VRK1: variants seen among roughly 807,000 people sequenced by gnomAD.
The protein encoded by VRK1 is serine/threonine-protein kinase VRK1.
A neutral mutation model predicts 57.1 loss-of-function variants in VRK1; 33 were observed. The ratio of observed to expected loss-of-function variants is 0.58; its 90% CI spans 0.44 to 0.77. The LOEUF is 0.77. VRK1 is among the 30% of genes least tolerant of loss of function. The pLI is 0.00. For missense variants in VRK1, 413 were observed against 477.3 expected, an observed-to-expected ratio of 0.87 and a Z score of 1.25; for synonymous variants, 137 against 147.8, an observed-to-expected ratio of 0.93 and a Z score of 0.53.
chr14:96,840,046 T>C (rs1887390786), intron 3 of VRK1, among the ~76,000 whole-genome samples: 1 of 152,202 alleles, frequency 6.6e-6, no homozygotes, highest in South Asian at 2.1e-4. Flanking sequence ...TGAAGGATAT[T>C]GGTCTTTCGT....
At chr14:96,854,714 A>G (rs972892763) in intron 7 of VRK1, among the ~76,000 whole-genome samples, 2 of 152,210 alleles carry the variant, frequency 1.3e-5, no homozygotes, top group Admixed American at 1.3e-4. Flanking sequence ...AAATGTTTTT[A>G]TAAAGTAAAT....
intron 1 of VRK1, among the ~76,000 whole-genome samples, chr14:96,798,958 T>C (rs548439438): frequency 6.6e-6 from 1 of 152,350 alleles, no homozygotes; most frequent in South Asian, 2.1e-4. Context: ...TCAACATTGC[T>C]GATCAGATTC....
intron 10 of VRK1, 97 bp downstream of exon 10, chr14:96,856,683 T>C (rs995046830): frequency 9.0e-7 from 1 of 1,111,986 alleles, no homozygotes; most frequent in South Asian, 1.3e-5. Context: ...AGATGTTAGG[T>C]GGTGGCCAGG....
chr14:96,846,837 A>G (rs74076158), intron 4 of VRK1, among the ~76,000 whole-genome samples: 2,113 of 152,198 alleles, frequency 0.014, 56 homozygotes, highest in African/African-American at 0.048. Flanking sequence ...TAAGTAATCT[A>G]GAGATGAGAT....
chr14:96,853,232 G>C, intron 7 of VRK1, 66 bp downstream of exon 7: 1 of 1,399,850 alleles, frequency 7.1e-7, no homozygotes, highest in Non-Finnish European at 1.0e-6. Flanking sequence ...TGGTTGCTTT[G>C]AACTTTTGAA....
At chr14:96,819,167 A>G (rs1886502638) in intron 1 of VRK1, among the ~76,000 whole-genome samples, 1 of 152,250 alleles carries the variant, frequency 6.6e-6, no homozygotes, top group Non-Finnish European at 1.5e-5. Context: ...TTACTTCTTA[A>G]TCCCAAATAA....
intron 5 of VRK1, among the ~76,000 whole-genome samples, chr14:96,852,095 A>C (rs372302844): frequency 3.3e-5 from 5 of 152,230 alleles, no homozygotes; most frequent in African/African-American, 1.2e-4. Context: ...TTTTCTGTAC[A>C]TACTGAAATA....
chr14:96,852,567 G>C (rs1384936561), intron 5 of VRK1, among the ~76,000 whole-genome samples: 1 of 152,108 alleles, frequency 6.6e-6, no homozygotes, highest in Non-Finnish European at 1.5e-5. Context: ...GGTTCTCTCT[G>C]TGAGCATTAT....
At chr14:96,827,404 G>T (rs75430789) in intron 1 of VRK1, among the ~76,000 whole-genome samples, 1,757 of 152,128 alleles carry the variant, frequency 0.012, 40 homozygotes, top group African/African-American at 0.04. Flanking sequence ...TCGTTTGTTT[G>T]TTTTTCTTAA....
In VRK1 at chr14:96,855,310, C is replaced by T. The variant is rs376006178; in HGVS notation, c.663C>T (p.His221=). ...ACAAAGAAGACCCCAAAAGATGTCA[C>T]GATGGCACTATTGAATTCACGAGCA... is the stretch of plus-strand genomic sequence containing the variant. ...KEYKEDPKRC[H]DGTIEFTSID... is the part of the protein sequence containing the mutation. Residue 221 remains histidine (H), a synonymous_variant, in exon 8 of 13, where the codon CAC becomes CAT. Transcript: ENST00000216639. 3.5e-5 allele frequency: 57 copies of T among 1,613,938 alleles called. 1 individual carries two copies. In the Middle Eastern group the frequency reaches 1.2e-3, roughly 33 times the overall value.
rs1555357994 is a variant in VRK1 at position 96,808,002 on chromosome 14, C to CGTCTCTCT, written c.-6+10555_-6+10556insGTCTCTCT. 7.4e-4 allele frequency among the ~76,000 whole-genome samples: 88 copies of CGTCTCTCT among 118,228 alleles called. 3 individuals carry two copies. The highest frequency in any genetic ancestry group is 2.8e-3 in the African/African-American group (79 of 28,060). The allele number at this position is 118,228 out of a possible 152,430, so 77.6% of individuals were successfully genotyped here. ...GTCTCTCTCCCTCTCTCCCTCTCTC[C>CGTCTCTCT]CTCTCTCTCTCCCTCTGTGTGTGTG... On this transcript the variant is annotated intron_variant, in intron 1 of 12. Coordinates refer to ENST00000216639, the MANE Select transcript of VRK1 (RefSeq NM_003384.3).
At chr14:96,849,968 A>G (rs1887884978) in intron 5 of VRK1, among the ~76,000 whole-genome samples, 1 of 152,214 alleles carries the variant, frequency 6.6e-6, no homozygotes, top group Non-Finnish European at 1.5e-5. Context: ...ACTGCTGGAA[A>G]GAACTTCCCT....
chr14:96,841,217 A>T (rs972886850), intron 3 of VRK1, among the ~76,000 whole-genome samples: 3 of 152,054 alleles, frequency 2.0e-5, no homozygotes, highest in African/African-American at 7.2e-5. Flanking sequence ...AATTAGAAAT[A>T]TTTCTGTTGT....
Position 96,870,571 on chromosome 14 carries a change from A to G in VRK1, c.1069-5459A>G, listed in dbSNP as rs117949008. ...ACAGCTTTCGTCTTGTTAACTGACT[A>G]TACGTTTGATCATATTAAAGTTTCA... On this transcript the variant is annotated intron_variant, in intron 11 of 12. Transcript: ENST00000216639. Among the ~76,000 whole-genome samples, 822 of 152,298 alleles carry G rather than the reference A, an allele frequency of 5.4e-3. 7 individuals are homozygous for G. Among genetic ancestry groups the G allele is most frequent in the Non-Finnish European group, 8.3e-3 (564 of 68,004 alleles).
rs1555361508 is a variant in VRK1 at position 96,855,315 on chromosome 14, G to A, written c.668G>A (p.Gly223Asp). Residue 223 changes from glycine to aspartate, a missense_variant, in exon 8 of 13, where the codon GGC becomes GAC. Around this residue, in one of 3 missense-constraint regions of VRK1, gnomAD observed 151 missense variants for 225.5 expected, o/e 0.67. Coordinates refer to ENST00000216639, the MANE Select transcript of VRK1 (RefSeq NM_003384.3). ...GAAGACCCCAAAAGATGTCACGATG[G>A]CACTATTGAATTCACGAGCATCGAT... ...YKEDPKRCHD[G>D]TIEFTSIDAH... The A allele has an allele frequency of 6.2e-7, 1 of 1,614,076 alleles. No individual in the cohort carries two copies. The highest frequency in any genetic ancestry group is 8.5e-7 in the Non-Finnish European group (1 of 1,179,962).
chr14:96,881,131 G>A, intron 12 of VRK1, 46 bp from the exon 13 acceptor site: 1 of 1,508,974 alleles, frequency 6.6e-7, no homozygotes, highest in Non-Finnish European at 9.1e-7. Flanking sequence ...TTTTGCTTTT[G>A]TAAATTATTG....
At chr14:96,832,583 T>C (rs1189974866) in intron 1 of VRK1, among the ~76,000 whole-genome samples, 5 of 152,136 alleles carry the variant, frequency 3.3e-5, no homozygotes, top group Middle Eastern at 3.2e-3. Context: ...GCTGGTGTCA[T>C]ACCTGCAATC....
chr14:96,807,503 G>C lies in VRK1; in HGVS notation c.-6+10056G>C, dbSNP rs571086003. On this transcript the variant is annotated intron_variant, in intron 1 of 12. Coordinates refer to ENST00000216639, the MANE Select transcript of VRK1 (RefSeq NM_003384.3). ...ACTGTAGTGCTTTGAATTGAATTCT[G>C]TGCTCCAGACATGGCTTGATACGTG... Among the ~76,000 whole-genome samples the C allele has an allele frequency of 8.1e-4, 124 of 152,222 alleles. 2 individuals are homozygous for C. Among genetic ancestry groups the C allele is most frequent in the Non-Finnish European group, 5.3e-4 (36 of 68,020 alleles).
chr14:96,873,394 C>A (rs1326780566), intron 11 of VRK1, among the ~76,000 whole-genome samples: 1 of 152,036 alleles, frequency 6.6e-6, no homozygotes, highest in African/African-American at 2.4e-5. Flanking sequence ...CTGAACACTT[C>A]AAAAATATAA....
Sources: gnomAD v4.1 joint callset for allele counts (sites outside exome capture counted in the v4.1 genomes callset) on GRCh38, gnomAD v4.1.1 for gene constraint, gnomAD v4.1.1 regional missense constraint, MANE v1.5 for transcripts, NCBI Gene and HGNC (gene_info 2026-07-23, HGNC 2026-07-21) for gene names.